ABCA13: variants seen among roughly 807,000 people sequenced by gnomAD.
ABCA13 encodes ATP-binding cassette sub-family A member 13.
In ABCA13, 476 loss-of-function variants were observed where a neutral mutation model predicts 478.7. That is an observed-to-expected ratio of 0.99 (90% CI 0.92 to 1.07). The LOEUF is 1.07. Among genes scored for constraint, ABCA13 ranks in the 50% least tolerant of loss-of-function variants. The probability of loss-of-function intolerance (pLI) is 0.00; values close to 1 mark genes in which losing one functional copy is unlikely to be tolerated. For missense variants in ABCA13, 6,060 were observed against 5,910.6 expected, an observed-to-expected ratio of 1.03 and a Z score of -0.83; for synonymous variants, 2,252 against 2,158.9, an observed-to-expected ratio of 1.04 and a Z score of -1.20.
chr7:48,333,712 G>C (rs952403757), intron 27 of ABCA13, among the ~76,000 whole-genome samples: 7 of 152,192 alleles, frequency 4.6e-5, no homozygotes, highest in Non-Finnish European at 8.8e-5. Context: ...CAGTATGAAA[G>C]GACAGATGAG....
intron 3 of ABCA13, among the ~76,000 whole-genome samples, chr7:48,214,711 G>T (rs1363611052): frequency 1.3e-5 from 2 of 152,144 alleles, no homozygotes; most frequent in Non-Finnish European, 2.9e-5. Context: ...TCCTTCTGCA[G>T]CTTCCTCACC....
rs551125093 is a variant in ABCA13 at position 48,400,087 on chromosome 7, T to C, written c.11874-3596T>C. On this transcript the variant is annotated intron_variant, in intron 38 of 61. Transcript: ENST00000435803. ...GAACACACTGTTCAAGCATCCCCAC[T>C]TCACTTACTCTCACTACCCATCTGA... Among the ~76,000 whole-genome samples, 11 of 152,008 alleles carry C rather than the reference T, an allele frequency of 7.2e-5. No homozygotes were observed. In the East Asian group the frequency reaches 2.1e-3, roughly 29 times the overall value.
At chr7:48,183,269 G>C (rs1311734807) in intron 1 of ABCA13, among the ~76,000 whole-genome samples, 1 of 152,020 alleles carries the variant, frequency 6.6e-6, no homozygotes, top group African/African-American at 2.4e-5. Context: ...TCCACATACC[G>C]CATGAGTCAC....
At chr7:48,197,823 G>GT (rs949527961) in intron 2 of ABCA13, among the ~76,000 whole-genome samples, 31 of 152,236 alleles carry the variant, frequency 2.0e-4, no homozygotes, top group African/African-American at 7.2e-4. Context: ...TAAGCTTGAA[G>GT]TTTTTTTGCC....
intron 27 of ABCA13, among the ~76,000 whole-genome samples, chr7:48,329,828 T>C (rs1421375755): frequency 6.6e-6 from 1 of 151,922 alleles, no homozygotes; most frequent in East Asian, 1.9e-4. Flanking sequence ...CATCTATTCA[T>C]TCATCCATCT....
rs531478576 is a variant in ABCA13, at chr7:48,210,504, T to C, written c.288-8850T>C. On this transcript the variant is annotated intron_variant, in intron 3 of 61. Transcript: ENST00000435803. ...ATAAACTTGCCTCTTAATACTACTT[T>C]TGCTGTATCCCACAGGTTTTGGTAC... Among the ~76,000 whole-genome samples the C allele has an allele frequency of 2.6e-5, 4 of 152,272 alleles. No homozygotes were observed. In the South Asian group the frequency reaches 8.3e-4, roughly 32 times the overall value.
At chr7:48,501,278 A>G (rs1038832022) in intron 48 of ABCA13, among the ~76,000 whole-genome samples, 1 of 152,128 alleles carries the variant, frequency 6.6e-6, no homozygotes, top group Non-Finnish European at 1.5e-5. Flanking sequence ...TTCTCTGTGT[A>G]TTAGCTTTGA....
At chr7:48,230,084 A>G (rs753345982) in intron 7 of ABCA13, 129 bp downstream of exon 7, 38 of 1,145,812 alleles carry the variant, frequency 3.3e-5, no homozygotes, top group Non-Finnish European at 4.1e-5. Context: ...AAAAGTATGA[A>G]TTGTTTCTGT....
chr7:48,582,635 A>C (rs1788815065), intron 56 of ABCA13, among the ~76,000 whole-genome samples: 1 of 152,148 alleles, frequency 6.6e-6, no homozygotes, highest in South Asian at 2.1e-4. Context: ...TCAGCCTTAC[A>C]GTCCCCTCTC....
rs540912066 is a variant in ABCA13 at position 48,388,622 on chromosome 7, A to G, written c.11474-418A>G. ...ATTACAAGTCAACATTCTAATCTAAACAATCTAAATATTTTTCTGAATTAT... is the reference window on the plus strand; with the variant it reads ...ATTACAAGTCAACATTCTAATCTAAGCAATCTAAATATTTTTCTGAATTAT... On this transcript the variant is annotated intron_variant, in intron 36 of 61. Coordinates refer to ENST00000435803, the MANE Select transcript of ABCA13 (RefSeq NM_152701.5). Among the ~76,000 whole-genome samples, 17 of 152,370 alleles carry G rather than the reference A, an allele frequency of 1.1e-4. No homozygotes were observed. In the South Asian group the frequency reaches 1.7e-3, roughly 15 times the overall value.
intron 54 of ABCA13, among the ~76,000 whole-genome samples, chr7:48,527,519 A>G (rs1002961040): frequency 2.0e-5 from 3 of 152,196 alleles, no homozygotes; most frequent in African/African-American, 7.2e-5. Context: ...CAGGCACAGT[A>G]TATGCTGAGG....
intron 3 of ABCA13, among the ~76,000 whole-genome samples, chr7:48,201,016 A>C (rs1798616158): frequency 6.6e-6 from 1 of 152,208 alleles, no homozygotes; most frequent in African/African-American, 2.4e-5. Context: ...AGGCGGGTCC[A>C]GGGGTCCTGA....
At chr7:48,549,988 A>G (rs570516619) in intron 55 of ABCA13, among the ~76,000 whole-genome samples, 8 of 151,996 alleles carry the variant, frequency 5.3e-5, no homozygotes, top group East Asian at 1.9e-4. Context: ...GTAGATTGCA[A>G]AAATTTTCTC....
chr7:48,489,506 G>C (rs1325722028), intron 48 of ABCA13, among the ~76,000 whole-genome samples, 162 bp downstream of exon 48: 3 of 152,184 alleles, frequency 2.0e-5, no homozygotes, highest in African/African-American at 7.2e-5. Flanking sequence ...GTTGTAGGCT[G>C]TCTTTCCCTT....
rs747110841 is a variant in ABCA13, at chr7:48,274,213, A to G, written c.4547A>G (p.Gln1516Arg). 4 of 1,612,904 alleles carry G rather than the reference A, an allele frequency of 2.5e-6. No individual in the cohort carries two copies. In the South Asian group the frequency reaches 4.4e-5, roughly 18 times the overall value. Residue 1516 changes from glutamine (Q) to arginine (R), a missense_variant, in exon 17 of 62, where the codon CAG becomes CGG. By Grantham distance (43) the Gln-to-Arg change is conservative. This residue lies in a region of ABCA13 where 4,423 missense variants were observed against 4,309.1 expected (regional missense o/e 1.03). Transcript: ENST00000435803. The part of the protein sequence containing the change: ...NLTTDFDFAS[Q>R]SNWRYFTELI... ...ACAACAGACTTTGATTTTGCATCTC[A>G]GTCCAATTGGAGATATTTTACTGAA...
At chr7:48,366,009 A>G (rs1015758650) in intron 31 of ABCA13, among the ~76,000 whole-genome samples, 19 of 152,214 alleles carry the variant, frequency 1.2e-4, no homozygotes, top group African/African-American at 4.6e-4. Context: ...TAAAACTTAT[A>G]TGGAACCACA....
chr7:48,455,246 A>C lies in ABCA13; in HGVS notation c.12775A>C (p.Thr4259Pro). ...LATEYPPLRL[T>P]PGHYQRAETY... The stretch of plus-strand genomic sequence containing the variant: ...CACCGAGTACCCTCCCCTCAGACTC[A>C]CACCTGGACATTACCAGCGGGCCGA... Residue 4259 changes from threonine (T) to proline (P), a missense_variant, in exon 43 of 62, where the codon ACA becomes CCA. This residue lies in a region of ABCA13 where 1,627 missense variants were observed against 1,571.0 expected (regional missense o/e 1.04). Coordinates refer to ENST00000435803, the MANE Select transcript of ABCA13 (RefSeq NM_152701.5). 1 of 1,606,026 alleles carries C rather than the reference A, an allele frequency of 6.2e-7. No individual in the cohort carries two copies. Among genetic ancestry groups the C allele is most frequent in the Non-Finnish European group, 8.5e-7 (1 of 1,176,632 alleles).
chr7:48,471,109 G>A (rs895118575), intron 44 of ABCA13, among the ~76,000 whole-genome samples: 1 of 152,166 alleles, frequency 6.6e-6, no homozygotes, highest in Non-Finnish European at 1.5e-5. Context: ...GTTTAAAGAG[G>A]AAATTTAAAA....
At chr7:48,613,731 T>G (rs9649742) in intron 58 of ABCA13, among the ~76,000 whole-genome samples, 1 of 149,778 alleles carries the variant, frequency 6.7e-6, no homozygotes, top group East Asian at 1.9e-4. Context: ...CTCTTTCATT[T>G]TTTTTCTTCC....
Sources: gnomAD v4.1 joint callset for allele counts (sites outside exome capture counted in the v4.1 genomes callset) on GRCh38, gnomAD v4.1.1 for gene constraint, gnomAD v4.1.1 regional missense constraint, MANE v1.5 for transcripts, NCBI Gene and HGNC (gene_info 2026-07-23, HGNC 2026-07-21) for gene names.